The following TFDP2 variants were observed in gnomAD, a reference collection of about 807,000 sequenced individuals.
TFDP2 encodes the protein transcription factor Dp-2 (E2F dimerization partner 2).
Under a neutral mutation model 59.3 loss-of-function variants are expected in TFDP2, and 17 were observed. The ratio of observed to expected loss-of-function variants is 0.29; its 90% confidence interval spans 0.20 to 0.43. The LOEUF is 0.43. TFDP2 is among the 20% of genes least tolerant of loss of function. The pLI is 1.00. For synonymous variants in TFDP2, 180 were observed against 194.7 expected (o/e 0.92, Z 0.63); for missense variants, 391 against 528.8 (o/e 0.74, Z 2.56).
chr3:141,986,899 C>A lies in TFDP2; in HGVS notation c.356+6639G>T, dbSNP rs1429876575. 4.6e-5 allele frequency among the ~76,000 whole-genome samples: 7 copies of A among 152,186 alleles called. No homozygotes were observed. The East Asian group carries it at 1.3e-3, about 29-fold the overall frequency. Reference sequence around the variant, plus strand: ...ATTTGCATTTTTCTAATGATTAATGCTGATAAGCACTTTTTCATGTTTACT... The same window carrying A: ...ATTTGCATTTTTCTAATGATTAATGATGATAAGCACTTTTTCATGTTTACT... On this transcript the variant is annotated intron_variant, in intron 6 of 12. Coordinates refer to ENST00000489671, the MANE Select transcript of TFDP2 (RefSeq NM_001178139.2).
intron 1 of TFDP2, among the ~76,000 whole-genome samples, chr3:142,103,721 T>C (rs2061384753): frequency 1.3e-5 from 2 of 152,102 alleles, no homozygotes; most frequent in Non-Finnish European, 2.9e-5. Context: ...TTTAAAATTA[T>C]CTCAAAATTA....
intron 1 of TFDP2, among the ~76,000 whole-genome samples, chr3:142,108,710 T>A (rs1255040140): frequency 6.6e-6 from 1 of 152,198 alleles, no homozygotes; most frequent in Admixed American, 6.5e-5. Flanking sequence ...TAATGACATT[T>A]TAATGACTCA....
At chr3:142,050,055 C>T (rs1243364698) in intron 3 of TFDP2, among the ~76,000 whole-genome samples, 2 of 151,254 alleles carry the variant, frequency 1.3e-5, no homozygotes, top group East Asian at 2.0e-4. Flanking sequence ...GATCACAGGC[C>T]GAGGTCAGGA....
chr3:142,120,761 G>A (rs1199255830), intron 1 of TFDP2, among the ~76,000 whole-genome samples: 1 of 152,152 alleles, frequency 6.6e-6, no homozygotes, highest in African/African-American at 2.4e-5. Flanking sequence ...TGTAGCAGTA[G>A]TACACTTGAA....
At chr3:142,146,777 C>T (rs1448512613) in intron 1 of TFDP2, among the ~76,000 whole-genome samples, 1 of 152,062 alleles carries the variant, frequency 6.6e-6, no homozygotes, top group African/African-American at 2.4e-5. Context: ...TGAATGAAAA[C>T]AATGACACAA....
At chr3:142,105,466 C>CT (rs2061441181) in intron 1 of TFDP2, among the ~76,000 whole-genome samples, 1 of 152,078 alleles carries the variant, frequency 6.6e-6, no homozygotes, top group Admixed American at 6.6e-5. Flanking sequence ...TTTCCCCACC[C>CT]TTTGTGTTTT....
Position 141,952,494 on chromosome 3 carries a change from C to A in TFDP2, c.*19G>T. ...CACACATGAGCATCACATATTGAAACGTAGGCTTTCTCTTGTCTTTATTCT... is the reference window on the plus strand; with the variant it reads ...CACACATGAGCATCACATATTGAAAAGTAGGCTTTCTCTTGTCTTTATTCT... On this transcript the variant is annotated 3_prime_UTR_variant, in exon 13 of 13. Coordinates refer to ENST00000489671, the MANE Select transcript of TFDP2 (RefSeq NM_001178139.2). 1 of 1,509,412 alleles carries A rather than the reference C, an allele frequency of 6.6e-7. No individual in the cohort carries two copies. Among genetic ancestry groups the A allele is most frequent in the Non-Finnish European group, 8.8e-7 (1 of 1,137,034 alleles). The allele number at this position is 1,509,412 out of a possible 1,614,324, so 93.5% of individuals were successfully genotyped here. A position where few individuals can be genotyped will look rare whatever the true frequency, so the allele number is the denominator to read the frequency against.
intron 7 of TFDP2, among the ~76,000 whole-genome samples, chr3:141,977,130 C>CTTT (rs1559959815): frequency 2.6e-5 from 3 of 113,328 alleles, no homozygotes; most frequent in Non-Finnish European, 5.3e-5. Flanking sequence ...TTTTTTTTTC[C>CTTT]CCCCAAAGAG....
At chr3:142,093,263 C>A in intron 2 of TFDP2, 136 bp from the exon 3 acceptor site, 1 of 526,354 alleles carries the variant, frequency 1.9e-6, no homozygotes. Flanking sequence ...TTATATTAAC[C>A]ACAGGAGTAT....
chr3:142,096,291 A>C (rs2061163547), intron 2 of TFDP2, among the ~76,000 whole-genome samples: 1 of 152,194 alleles, frequency 6.6e-6, no homozygotes, highest in African/African-American at 2.4e-5. Context: ...ACTATCATAA[A>C]CATTTTGTAA....
chr3:141,978,046 AC>A, intron 7 of TFDP2, among the ~76,000 whole-genome samples: 1 of 151,576 alleles, frequency 6.6e-6, no homozygotes, highest in Admixed American at 6.6e-5. Flanking sequence ...ACAAAAAAAA[AC>A]AAAAAAAACA....
intron 3 of TFDP2, among the ~76,000 whole-genome samples, chr3:142,066,442 A>G (rs1365598532): frequency 6.6e-6 from 1 of 152,222 alleles, no homozygotes; most frequent in Non-Finnish European, 1.5e-5. Context: ...TGCTCAGAAT[A>G]CTTACATTAG....
intron 3 of TFDP2, among the ~76,000 whole-genome samples, chr3:142,048,709 G>A (rs1448459092): frequency 1.3e-5 from 2 of 152,064 alleles, no homozygotes; most frequent in Non-Finnish European, 2.9e-5. Flanking sequence ...AGGATTACAG[G>A]AGTATGCCAC....
intron 1 of TFDP2, among the ~76,000 whole-genome samples, chr3:142,127,167 T>C (rs2062299347): frequency 6.7e-6 from 1 of 148,424 alleles, no homozygotes; most frequent in Admixed American, 6.8e-5. Context: ...AGATATATCT[T>C]AATTATATAA....
intron 3 of TFDP2, among the ~76,000 whole-genome samples, chr3:142,061,521 A>G (rs541023417): frequency 6.6e-6 from 1 of 152,210 alleles, no homozygotes; most frequent in South Asian, 2.1e-4. Context: ...CACCCTCTCC[A>G]ATGGAGAGGG....
chr3:142,018,421 A>G (rs1945313032), intron 3 of TFDP2, among the ~76,000 whole-genome samples: 3 of 152,144 alleles, frequency 2.0e-5, no homozygotes, highest in African/African-American at 4.8e-5. Flanking sequence ...GAAATGCATG[A>G]AAGTCTCCAT....
At chr3:142,134,212 G>C (rs563513265) in intron 1 of TFDP2, among the ~76,000 whole-genome samples, 152 of 151,766 alleles carry the variant, frequency 1.0e-3, no homozygotes, top group African/African-American at 3.6e-3. Flanking sequence ...AGCTGGGCGT[G>C]GTGGCACATG....
At chr3:142,111,421 C>CT (rs1204577197) in intron 1 of TFDP2, among the ~76,000 whole-genome samples, 3 of 123,302 alleles carry the variant, frequency 2.4e-5, no homozygotes, top group Non-Finnish European at 4.8e-5. Flanking sequence ...GAGTTAGACT[C>CT]TGTCTCAAAA....
chr3:142,048,532 T>C (rs1947460589), intron 3 of TFDP2, among the ~76,000 whole-genome samples: 1 of 152,172 alleles, frequency 6.6e-6, no homozygotes, highest in Non-Finnish European at 1.5e-5. Flanking sequence ...TAAAGAAAGA[T>C]ATAAATGCAG....
Sources: gnomAD v4.1 joint callset for allele counts (sites outside exome capture counted in the v4.1 genomes callset) on GRCh38, gnomAD v4.1.1 for gene constraint, MANE v1.5 for transcripts, NCBI Gene and HGNC (gene_info 2026-07-23, HGNC 2026-07-21) for gene names.